FOXP1: variants seen among roughly 807,000 people sequenced by gnomAD.
FOXP1 encodes forkhead box P1.
In FOXP1, 15 loss-of-function variants were observed where a neutral mutation model predicts 98.2. That is an observed-to-expected ratio of 0.15 (90% CI 0.10 to 0.24). FOXP1 has a LOEUF of 0.24. Ranked by LOEUF, FOXP1 falls within the 10% of genes least tolerant of loss-of-function variation. FOXP1 has a pLI of 1.00. For synonymous variants in FOXP1, 371 were observed against 314.5 expected, an observed-to-expected ratio of 1.18 and a Z score of -1.90; for missense variants, 633 against 848.5, an observed-to-expected ratio of 0.75 and a Z score of 3.15.
At chr3:71,015,703 C>A in intron 11 of FOXP1, 50 bp from the exon 12 acceptor site, 1 of 1,308,814 alleles carries the variant, frequency 7.6e-7, no homozygotes, top group Middle Eastern at 1.8e-4. Context: ...TGCCAAGAAC[C>A]ATTCCACCAG....
intron 12 of FOXP1, among the ~76,000 whole-genome samples, chr3:71,006,674 C>A (rs2042846783): frequency 6.6e-6 from 1 of 151,852 alleles, no homozygotes; most frequent in East Asian, 1.9e-4. Context: ...AATTACATGC[C>A]GGAAATGATC....
At chr3:71,395,114 A>G (rs2081292285) in intron 3 of FOXP1, among the ~76,000 whole-genome samples, 1 of 151,432 alleles carries the variant, frequency 6.6e-6, no homozygotes, top group Admixed American at 6.6e-5. Context: ...AAAAAAAAAA[A>G]AAAAAAAAAA....
intron 20 of FOXP1, among the ~76,000 whole-genome samples, chr3:70,960,810 A>AG (rs1437899278): frequency 4.6e-5 from 7 of 151,656 alleles, no homozygotes; most frequent in African/African-American, 1.2e-4. Context: ...GAGAGCATTT[A>AG]GGGGGGCTAG....
chr3:71,488,248 C>T (rs59404643), intron 3 of FOXP1, among the ~76,000 whole-genome samples: 43,730 of 152,094 alleles, frequency 0.29, 6,607 homozygotes, highest in Non-Finnish European at 0.33. Flanking sequence ...GAATTAAATG[C>T]AATCTTCTAA....
intron 8 of FOXP1, 137 bp downstream of exon 8, chr3:71,053,499 G>T: frequency 1.0e-6 from 1 of 995,480 alleles, no homozygotes; most frequent in Non-Finnish European, 1.5e-6. Context: ...GGAGTGGTCT[G>T]TGTCCTGCCC....
At chr3:70,966,465 G>A (rs1018654789) in intron 19 of FOXP1, 1 of 254,290 alleles carries the variant, frequency 3.9e-6, no homozygotes, top group East Asian at 8.9e-5. Flanking sequence ...GGATATTAGA[G>A]ATTTTGATCA....
At chr3:71,339,881 A>C (rs1289301601) in intron 4 of FOXP1, among the ~76,000 whole-genome samples, 1 of 152,240 alleles carries the variant, frequency 6.6e-6, no homozygotes, top group East Asian at 1.9e-4. Flanking sequence ...AATGACAAGA[A>C]AAGAAAATGG....
At chr3:71,499,711 T>A (rs890619622) in intron 2 of FOXP1, among the ~76,000 whole-genome samples, 3 of 152,200 alleles carry the variant, frequency 2.0e-5, no homozygotes, top group Non-Finnish European at 4.4e-5. Flanking sequence ...CAAACTTAGT[T>A]TCCTTTGTTG....
intron 5 of FOXP1, among the ~76,000 whole-genome samples, chr3:71,295,462 C>G (rs2073188899): frequency 6.6e-6 from 1 of 152,090 alleles, no homozygotes; most frequent in African/African-American, 2.4e-5. Flanking sequence ...GTTCCTTCAT[C>G]TAACATAAAA....
At chr3:71,390,249 T>C (rs2080931331) in intron 3 of FOXP1, among the ~76,000 whole-genome samples, 1 of 152,118 alleles carries the variant, frequency 6.6e-6, no homozygotes, top group Non-Finnish European at 1.5e-5. Flanking sequence ...AACCTCCTCT[T>C]TCTAAGTCAA....
At chr3:71,276,012 C>T (rs1456002517) in intron 5 of FOXP1, 1 of 151,994 alleles carries the variant, frequency 6.6e-6, no homozygotes, top group Admixed American at 6.6e-5. Flanking sequence ...GCACAAATGA[C>T]GGGTAGACAC....
intron 7 of FOXP1, among the ~76,000 whole-genome samples, chr3:71,065,938 C>A (rs1404847635): frequency 6.6e-6 from 1 of 151,914 alleles, no homozygotes; most frequent in Non-Finnish European, 1.5e-5. Flanking sequence ...AAAAAAATCA[C>A]CTATTTACCA....
chr3:71,573,721 A>G (rs1234139342), intron 2 of FOXP1: 1 of 152,210 alleles, frequency 6.6e-6, no homozygotes, highest in African/African-American at 2.4e-5. Flanking sequence ...AAAATTATTT[A>G]AAGTTGCTTA....
chr3:71,146,775 TA>T (rs1170081751), intron 6 of FOXP1, among the ~76,000 whole-genome samples: 1 of 152,186 alleles, frequency 6.6e-6, no homozygotes, highest in Non-Finnish European at 1.5e-5. Context: ...GCAACATGGC[TA>T]GAACATAGAA....
chr3:71,233,832 G>A (rs1374632131), intron 5 of FOXP1, among the ~76,000 whole-genome samples: 1 of 152,118 alleles, frequency 6.6e-6, no homozygotes, highest in Non-Finnish European at 1.5e-5. Flanking sequence ...CATAAAAGTG[G>A]AATCAAAAAG....
chr3:71,548,414 TTTTTA>T (rs1409652095), intron 2 of FOXP1, among the ~76,000 whole-genome samples: 1 of 152,186 alleles, frequency 6.6e-6, no homozygotes, highest in African/African-American at 2.4e-5. Context: ...TTTGTTTTTG[TTTTTA>T]TTTTAAGACA....
At chr3:70,980,859 T>C (rs1311871876) in intron 14 of FOXP1, among the ~76,000 whole-genome samples, 1 of 152,186 alleles carries the variant, frequency 6.6e-6, no homozygotes, top group Non-Finnish European at 1.5e-5. Flanking sequence ...CACAAAGCAG[T>C]TCTGAGGACT....
At chr3:71,028,403 A>G (rs2046416865) in intron 11 of FOXP1, among the ~76,000 whole-genome samples, 1 of 152,160 alleles carries the variant, frequency 6.6e-6, no homozygotes, top group Non-Finnish European at 1.5e-5. Flanking sequence ...CCCCACCCCA[A>G]TTTACTGAAT....
chr3:70,959,168 T>C lies in FOXP1; in HGVS notation c.*79A>G. 1.3e-6 allele frequency: 2 copies of C among 1,539,128 alleles called. No individual in the cohort carries two copies. Among genetic ancestry groups the C allele is most frequent in the Non-Finnish European group, 1.8e-6 (2 of 1,116,040 alleles). On this transcript the variant is annotated 3_prime_UTR_variant, in exon 21 of 21. Transcript: ENST00000649528. ...AGACTGTACAACAAATGGAGAACAA[T>C]TTCACTGCTAACTTTTGACGTGTTT...
Sources: allele counts gnomAD v4.1 joint callset (sites outside exome capture counted in the v4.1 genomes callset), GRCh38; gene constraint gnomAD v4.1.1; transcripts MANE v1.5; gene names NCBI Gene and HGNC (gene_info 2026-07-23, HGNC 2026-07-21).